DENND1B: variants seen among roughly 807,000 people sequenced by gnomAD.
DENND1B encodes DENN domain containing 1B.
DENND1B carries 59 observed loss-of-function variants against 90.1 expected under a neutral mutation model. The ratio of observed to expected loss-of-function variants is 0.65; its 90% CI spans 0.53 to 0.81. DENND1B has a LOEUF of 0.81. Ranked by LOEUF, DENND1B falls within the 40% of genes least tolerant of loss-of-function variation. DENND1B has a pLI of 0.00. For missense variants in DENND1B, 862 were observed against 912.6 expected, an observed-to-expected ratio of 0.94 and a Z score of 0.71; for synonymous variants, 337 against 324.6, an observed-to-expected ratio of 1.04 and a Z score of -0.41.
chr1:197,537,456 G>A (rs1307006414), intron 20 of DENND1B, among the ~76,000 whole-genome samples: 12 of 152,012 alleles, frequency 7.9e-5, no homozygotes, highest in South Asian at 2.1e-4. Context: ...AAGGTTTTCC[G>A]TAACCTAATA....
chr1:197,543,658 A>G (rs1470471924), intron 18 of DENND1B, among the ~76,000 whole-genome samples: 1 of 152,146 alleles, frequency 6.6e-6, no homozygotes, highest in East Asian at 1.9e-4. Context: ...GAACAACCAA[A>G]AAAAACGCAG....
chr1:197,753,974 T>A (rs1653921151), intron 2 of DENND1B, among the ~76,000 whole-genome samples: 1 of 151,960 alleles, frequency 6.6e-6, no homozygotes, highest in South Asian at 2.1e-4. Context: ...CACTCCAGCC[T>A]GGCAACAGAG....
rs1430547320 is a variant in DENND1B at position 197,677,356 on chromosome 1, T to G, written c.127-3187A>C. Among the ~76,000 whole-genome samples, 5 of 152,300 alleles carry G rather than the reference T, an allele frequency of 3.3e-5. No homozygotes were observed. In the East Asian group the frequency reaches 9.6e-4, roughly 29 times the overall value. The stretch of plus-strand genomic sequence containing the variant: ...CTCTAACTACTTTCTGGTATGACTT[T>G]CTAAATGTTCCCAGACACCTCTAAT... On this transcript the variant is annotated intron_variant, in intron 3 of 22. Transcript: ENST00000620048.
chr1:197,747,310 C>A, intron 2 of DENND1B: 1 of 592,346 alleles, frequency 1.7e-6, no homozygotes, highest in Non-Finnish European at 3.2e-6. Flanking sequence ...TATCGAGAAT[C>A]TATGATTTCT....
intron 5 of DENND1B, 100 bp from the exon 6 acceptor site, chr1:197,658,469 T>C: frequency 1.2e-6 from 1 of 811,214 alleles, no homozygotes; most frequent in Non-Finnish European, 1.9e-6. Flanking sequence ...AGGTTAATCC[T>C]GGAGGTCAAA....
chr1:197,575,125 AAGAAACTACCATC>A (rs1440052129), intron 15 of DENND1B, among the ~76,000 whole-genome samples: 1 of 152,194 alleles, frequency 6.6e-6, no homozygotes, highest in East Asian at 1.9e-4. Flanking sequence ...CGCATGGCAA[AAGAAACTACCATC>A]AGAGTGAACA....
chr1:197,520,073 G>A (rs1668666504), intron 20 of DENND1B, among the ~76,000 whole-genome samples: 1 of 151,840 alleles, frequency 6.6e-6, no homozygotes, highest in African/African-American at 2.4e-5. Context: ...TGATAATGAA[G>A]AGCAATAGAA....
At chr1:197,595,136 C>G (rs1468587198) in intron 14 of DENND1B, 72 bp downstream of exon 14, 1 of 1,500,602 alleles carries the variant, frequency 6.7e-7, no homozygotes, top group African/African-American at 1.4e-5. Flanking sequence ...AAAATGATGT[C>G]TCTTTTTTTC....
rs1262644263 is a variant in DENND1B at position 197,536,143 on chromosome 1, A to AT, written c.1515+3820_1515+3821insA. ...GAGAGAGGGAGAGAGAGAGATTGAG[A>AT]GAGAGAGAGAGAGAGATAGATGAGA... On this transcript the variant is annotated intron_variant, in intron 20 of 22. Coordinates refer to ENST00000620048, the MANE Select transcript of DENND1B (RefSeq NM_001195215.2). Among the ~76,000 whole-genome samples the AT allele has an allele frequency of 3.6e-3, 453 of 126,708 alleles. 6 individuals carry two copies. Among genetic ancestry groups the AT allele is most frequent in the African/African-American group, 0.012 (428 of 35,174 alleles). 83.1% of individuals were successfully genotyped at this position (126,708 alleles called of 152,430 possible).
intron 2 of DENND1B, among the ~76,000 whole-genome samples, chr1:197,755,507 T>G (rs1007532400): frequency 6.6e-6 from 1 of 151,012 alleles, no homozygotes; most frequent in Non-Finnish European, 1.5e-5. Context: ...GGAAGAAAAC[T>G]AGTAAAGAGA....
chr1:197,649,272 G>T (rs1376246855), intron 7 of DENND1B, among the ~76,000 whole-genome samples: 1 of 152,172 alleles, frequency 6.6e-6, no homozygotes, highest in Non-Finnish European at 1.5e-5. Flanking sequence ...AAATTCTATA[G>T]AAAATGGGGA....
At chr1:197,551,862 A>T (rs1195809201) in intron 16 of DENND1B, among the ~76,000 whole-genome samples, 1 of 152,144 alleles carries the variant, frequency 6.6e-6, no homozygotes, top group Non-Finnish European at 1.5e-5. Flanking sequence ...CCATGAACTG[A>T]AGGAAGCAAG....
intron 20 of DENND1B, among the ~76,000 whole-genome samples, chr1:197,527,825 CT>C (rs1048862025): frequency 1.3e-5 from 2 of 151,030 alleles, no homozygotes. Flanking sequence ...TTTACAATCA[CT>C]TTTTTTTTGG....
At position 197,677,007 on chromosome 1, in the gene DENND1B, CA is replaced by C. The variant is rs141786033; in HGVS notation, c.127-2839del. Reference sequence around the variant, plus strand: ...CAAGCATTTAAGAAAGAATTTACTTCAAAAAAAAACACTAACGTTTACATCT... The same window carrying C: ...CAAGCATTTAAGAAAGAATTTACTTCAAAAAAAACACTAACGTTTACATCT... On this transcript the variant is annotated intron_variant, in intron 3 of 22. Transcript: ENST00000620048. 1.0e-4 allele frequency among the ~76,000 whole-genome samples: 15 copies of C among 149,092 alleles called. No homozygotes were observed. In the South Asian group the frequency reaches 2.8e-3, roughly 27 times the overall value.
intron 14 of DENND1B, among the ~76,000 whole-genome samples, chr1:197,594,377 T>TA (rs1558283728): frequency 6.6e-6 from 1 of 152,094 alleles, no homozygotes; most frequent in East Asian, 1.9e-4. Flanking sequence ...GGGGAAGGTA[T>TA]AAGAATTCTC....
At chr1:197,603,664 T>C (rs144045469) in intron 13 of DENND1B, among the ~76,000 whole-genome samples, 2,141 of 151,372 alleles carry the variant, frequency 0.014, 27 homozygotes, top group Non-Finnish European at 0.02. Flanking sequence ...CTAAATATTA[T>C]AATTCTAATT....
chr1:197,652,526 A>C (rs1653345803), intron 6 of DENND1B, among the ~76,000 whole-genome samples: 1 of 152,144 alleles, frequency 6.6e-6, no homozygotes, highest in East Asian at 1.9e-4. Flanking sequence ...CAGAAGAATA[A>C]TGGCAATATT....
At chr1:197,718,326 C>A (rs902291616) in intron 2 of DENND1B, among the ~76,000 whole-genome samples, 3 of 149,264 alleles carry the variant, frequency 2.0e-5, no homozygotes, top group Non-Finnish European at 3.0e-5. Flanking sequence ...ACAAAATATT[C>A]TTTTAAGTGA....
At chr1:197,631,513 T>C (rs1395484651) in intron 10 of DENND1B, among the ~76,000 whole-genome samples, 1 of 151,826 alleles carries the variant, frequency 6.6e-6, no homozygotes, top group Non-Finnish European at 1.5e-5. Context: ...AAATAGTAAA[T>C]AAAAACTGAT....
Sources: allele counts gnomAD v4.1 joint callset (sites outside exome capture counted in the v4.1 genomes callset), GRCh38; gene constraint gnomAD v4.1.1; transcripts MANE v1.5; gene names NCBI Gene and HGNC (gene_info 2026-07-23, HGNC 2026-07-21).